The following ARHGAP44 variants were observed in gnomAD, a reference collection of about 807,000 sequenced individuals.
ARHGAP44 encodes the protein rho GTPase-activating protein 44.
In ARHGAP44, 43 loss-of-function variants were observed where a neutral mutation model predicts 106.8. The observed-to-expected ratio is 0.40, with a 90% CI of 0.32 to 0.52. ARHGAP44 has a LOEUF of 0.52. ARHGAP44 is among the 20% of genes least tolerant of loss of function. The probability of loss-of-function intolerance (pLI) is 0.48; values close to 1 mark genes in which losing one functional copy is unlikely to be tolerated. For missense variants in ARHGAP44, 866 were observed against 1,050.5 expected (o/e 0.82, Z 2.43); for synonymous variants, 439 against 410.3 (o/e 1.07, Z -0.85).
intron 4 of ARHGAP44, among the ~76,000 whole-genome samples, chr17:12,910,612 ATTT>A (rs563823375): frequency 5.3e-5 from 8 of 151,932 alleles, no homozygotes; most frequent in Non-Finnish European, 7.4e-5. Context: ...CGCCGGGCTA[ATTT>A]TTGTATATTT....
chr17:12,889,434 G>A (rs2036976213), intron 1 of ARHGAP44, among the ~76,000 whole-genome samples: 1 of 152,108 alleles, frequency 6.6e-6, no homozygotes, highest in South Asian at 2.1e-4. Flanking sequence ...GCAAGAGGGG[G>A]CCAACCTTGT....
chr17:12,989,145 G>GGACA (rs1251870213), intron 20 of ARHGAP44, among the ~76,000 whole-genome samples: 2 of 150,184 alleles, frequency 1.3e-5, no homozygotes, highest in African/African-American at 2.5e-5. Flanking sequence ...CGGAGGAAGG[G>GGACA]GACAGCATGA....
intron 4 of ARHGAP44, among the ~76,000 whole-genome samples, chr17:12,915,497 T>G (rs1031215892): frequency 2.6e-5 from 4 of 152,252 alleles, no homozygotes; most frequent in Non-Finnish European, 5.9e-5. Flanking sequence ...TTTCGTGGCT[T>G]AGGAGTCAGG....
At chr17:12,960,142 C>G (rs1231722339) in intron 16 of ARHGAP44, among the ~76,000 whole-genome samples, 2 of 152,008 alleles carry the variant, frequency 1.3e-5, no homozygotes, top group Non-Finnish European at 1.5e-5. Flanking sequence ...TTGTATGTGG[C>G]AGATGGGAGT....
At position 12,990,090 on chromosome 17, in the gene ARHGAP44, G is replaced by A; in HGVS notation, c.2376G>A (p.Leu792=). 6.2e-7 allele frequency: 1 copy of A among 1,613,142 alleles called. No homozygotes were observed. Among genetic ancestry groups the A allele is most frequent in the South Asian group, 1.1e-5 (1 of 91,062 alleles). ...TAGAGCTCGGGTCGACGCTCCGCCTGAGTCCCCTGGAGCACATGCGGCGAC... is the reference window on the plus strand; with the variant it reads ...TAGAGCTCGGGTCGACGCTCCGCCTAAGTCCCCTGGAGCACATGCGGCGAC... ...IHIELGSTLR[L]SPLEHMRRHS... is the part of the protein sequence containing the mutation. Residue 792 remains leucine, a synonymous_variant, in exon 21 of 21, where the codon CTG becomes CTA. Coordinates refer to ENST00000379672, the MANE Select transcript of ARHGAP44 (RefSeq NM_014859.6).
chr17:12,967,857 C>T (rs1043715173), intron 16 of ARHGAP44, among the ~76,000 whole-genome samples: 1 of 152,154 alleles, frequency 6.6e-6, no homozygotes, highest in Non-Finnish European at 1.5e-5. Context: ...TTCTACTTCT[C>T]CCTGCTTACA....
chr17:12,846,514 T>C (rs898631380), intron 1 of ARHGAP44, among the ~76,000 whole-genome samples: 3 of 152,268 alleles, frequency 2.0e-5, no homozygotes, highest in African/African-American at 7.2e-5. Flanking sequence ...AAAATGATTG[T>C]GTCGTATTTC....
chr17:12,913,586 A>G (rs1289700094), intron 4 of ARHGAP44, among the ~76,000 whole-genome samples: 1 of 152,206 alleles, frequency 6.6e-6, no homozygotes, highest in East Asian at 1.9e-4. Flanking sequence ...AAGTAGTATT[A>G]GAAATATGGA....
intron 1 of ARHGAP44, 53 bp from the exon 2 acceptor site, chr17:12,894,887 T>G: frequency 4.8e-5 from 72 of 1,508,398 alleles, no homozygotes; most frequent in Non-Finnish European, 5.9e-5. Context: ...GGAGTAATTA[T>G]GAGGCTCTGT....
chr17:12,915,698 G>T (rs963197064), intron 4 of ARHGAP44, among the ~76,000 whole-genome samples: 1 of 152,192 alleles, frequency 6.6e-6, no homozygotes, highest in Non-Finnish European at 1.5e-5. Flanking sequence ...CACACAATGA[G>T]TGGCACCTTT....
intron 3 of ARHGAP44, among the ~76,000 whole-genome samples, chr17:12,905,826 T>C (rs2037529751): frequency 6.6e-6 from 1 of 152,194 alleles, no homozygotes. Flanking sequence ...AGAATGGTCT[T>C]TTTATGTGAG....
At chr17:12,898,956 G>GATTT (rs71369351) in intron 3 of ARHGAP44, among the ~76,000 whole-genome samples, 5,225 of 149,200 alleles carry the variant, frequency 0.035, 128 homozygotes, top group Middle Eastern at 0.062. Flanking sequence ...TCACTGCATG[G>GATTT]ATTTATTTAT....
At chr17:12,793,364 G>A (rs543706147) in intron 1 of ARHGAP44, among the ~76,000 whole-genome samples, 2 of 152,306 alleles carry the variant, frequency 1.3e-5, no homozygotes, top group East Asian at 3.9e-4. Context: ...CACTGCTCTG[G>A]TTCAGGGAGT....
At chr17:12,801,280 G>A (rs1011467766) in intron 1 of ARHGAP44, among the ~76,000 whole-genome samples, 1 of 152,260 alleles carries the variant, frequency 6.6e-6, no homozygotes, top group African/African-American at 2.4e-5. Context: ...CACTGGCTTG[G>A]TTTTCCTAGA....
chr17:12,914,053 G>GA (rs1227875576), intron 4 of ARHGAP44, among the ~76,000 whole-genome samples: 2 of 151,026 alleles, frequency 1.3e-5, no homozygotes, highest in African/African-American at 4.9e-5. Context: ...TAGCAGATAG[G>GA]AAAAAGAGTG....
intron 1 of ARHGAP44, among the ~76,000 whole-genome samples, chr17:12,892,539 T>G (rs534650006): frequency 3.3e-5 from 5 of 152,230 alleles, no homozygotes; most frequent in East Asian, 1.9e-4. Context: ...CCTATCTTTT[T>G]TTAACTTTTT....
intron 1 of ARHGAP44, among the ~76,000 whole-genome samples, chr17:12,797,811 G>T (rs1325114836): frequency 6.6e-6 from 1 of 152,098 alleles, no homozygotes; most frequent in Non-Finnish European, 1.5e-5. Flanking sequence ...ACAATATTGA[G>T]TATAATGCGA....
chr17:12,980,064 A>G lies in ARHGAP44; in HGVS notation c.1770A>G (p.Thr590=). 1 of 1,603,544 alleles carries G rather than the reference A, an allele frequency of 6.2e-7. No individual in the cohort carries two copies. Among genetic ancestry groups the G allele is most frequent in the Non-Finnish European group, 8.5e-7 (1 of 1,174,504 alleles). ...TCATGTGCTTTCGTTTCAGCACAAC[A>G]AAAAGCAAGGAACTTTCTCCAGGCT... ...LQPGPERTST[T]KSKELSPGSA... is the part of the protein sequence containing the mutation. Residue 590 remains threonine, a synonymous_variant, in exon 19 of 21, where the codon ACA becomes ACG. Transcript: ENST00000379672.
chr17:12,904,309 T>C (rs190645005), intron 3 of ARHGAP44, among the ~76,000 whole-genome samples: 17 of 152,300 alleles, frequency 1.1e-4, no homozygotes, highest in Admixed American at 9.2e-4. Flanking sequence ...GGCTTCACCA[T>C]GTTAGCCAGG....
Sources: allele counts gnomAD v4.1 joint callset (sites outside exome capture counted in the v4.1 genomes callset), GRCh38; gene constraint gnomAD v4.1.1; transcripts MANE v1.5; gene names NCBI Gene and HGNC (gene_info 2026-07-23, HGNC 2026-07-21).